PCDHA9: variants seen among roughly 807,000 people sequenced by gnomAD.
PCDHA9 encodes protocadherin alpha-9.
PCDHA9 carries 62 observed loss-of-function variants against 62.0 expected under a neutral mutation model. That is an observed-to-expected ratio of 1.00 (90% CI 0.81 to 1.23). The LOEUF (loss-of-function observed/expected upper bound fraction) is 1.23. Among genes scored for constraint, PCDHA9 ranks in the 50% most tolerant of loss-of-function variants. PCDHA9 has a pLI of 0.00. For missense variants in PCDHA9, 1,205 were observed against 1,249.8 expected, an observed-to-expected ratio of 0.96 and a Z score of 0.54; for synonymous variants, 557 against 567.6, an observed-to-expected ratio of 0.98 and a Z score of 0.27.
chr5:140,854,042 G>A lies in PCDHA9; in HGVS notation c.2394+3153G>A, dbSNP rs1005442587. 1.8e-5 allele frequency: 5 copies of A among 285,684 alleles called. 1 individual carries two copies. The highest frequency in any genetic ancestry group is 2.7e-5 in the Non-Finnish European group (5 of 185,908). The allele number at this position is 285,684 out of a possible 1,614,324, so 17.7% of individuals were successfully genotyped here. A position where few individuals can be genotyped will look rare whatever the true frequency, so the allele number is the denominator to read the frequency against. On this transcript the variant is annotated intron_variant, in intron 1 of 3. Coordinates refer to ENST00000532602, the MANE Select transcript of PCDHA9 (RefSeq NM_031857.2). ...CCGGGCATGGTGGCACACATCTCTA[G>A]TCCCAATTACTCAGGAGGCTGAGGC...
intron 1 of PCDHA9, among the ~76,000 whole-genome samples, chr5:140,918,041 C>T (rs1554198405): frequency 6.6e-6 from 1 of 152,058 alleles, no homozygotes; most frequent in Non-Finnish European, 1.5e-5. Flanking sequence ...AAGGTCTTTC[C>T]ATTTGTTTTA....
In PCDHA9 at chr5:140,938,408, G is replaced by A. The variant is rs115039361; in HGVS notation, c.2395-40541G>A. Among the ~76,000 whole-genome samples, 826 of 151,992 alleles carry A rather than the reference G, an allele frequency of 5.4e-3. 3 individuals are homozygous for A. The highest frequency in any genetic ancestry group is 0.019 in the African/African-American group (797 of 41,474). ...TAATATGAAATACATTGTTTGATTG[G>A]GTTTATTTGCAAAAATCCTTTATCA... On this transcript the variant is annotated intron_variant, in intron 1 of 3. Coordinates refer to ENST00000532602, the MANE Select transcript of PCDHA9 (RefSeq NM_031857.2).
chr5:140,981,699 T>A (rs1162840326), intron 2 of PCDHA9, among the ~76,000 whole-genome samples: 1 of 151,316 alleles, frequency 6.6e-6, no homozygotes, highest in Non-Finnish European at 1.5e-5. Context: ...CATTCATTCA[T>A]TCATTCATTC....
At chr5:140,970,121 G>C (rs1230320134) in intron 1 of PCDHA9, among the ~76,000 whole-genome samples, 1 of 152,184 alleles carries the variant, frequency 6.6e-6, no homozygotes, top group Non-Finnish European at 1.5e-5. Flanking sequence ...GCTGGGATTA[G>C]AAGGAAGAGA....
At chr5:140,941,553 G>T in intron 1 of PCDHA9, among the ~76,000 whole-genome samples, 1 of 151,656 alleles carries the variant, frequency 6.6e-6, no homozygotes, top group East Asian at 2.0e-4. Context: ...CTGACCTCGT[G>T]ATCCATTCGC....
chr5:140,884,233 T>A (rs782019323), intron 1 of PCDHA9: 1 of 1,613,364 alleles, frequency 6.2e-7, no homozygotes. Flanking sequence ...AGGACCACGG[T>A]GAGCCCGCGC....
At chr5:140,891,889 G>C (rs1319520907) in intron 1 of PCDHA9, among the ~76,000 whole-genome samples, 1 of 152,224 alleles carries the variant, frequency 6.6e-6, no homozygotes, top group Non-Finnish European at 1.5e-5. Context: ...ATGTGACGAT[G>C]CAGCAAGAAG....
chr5:140,999,032 C>T (rs2097843779), intron 3 of PCDHA9, among the ~76,000 whole-genome samples: 1 of 152,236 alleles, frequency 6.6e-6, no homozygotes, highest in South Asian at 2.1e-4. Flanking sequence ...TTTGATACTT[C>T]GTCCAGTGTG....
intron 1 of PCDHA9, among the ~76,000 whole-genome samples, chr5:140,972,578 C>A (rs1554234223): frequency 6.6e-6 from 1 of 151,798 alleles, no homozygotes; most frequent in Non-Finnish European, 1.5e-5. Flanking sequence ...GGCAATAGGG[C>A]AGAATTTCTC....
chr5:140,888,725 T>C (rs1254922405), intron 1 of PCDHA9, among the ~76,000 whole-genome samples: 2 of 152,156 alleles, frequency 1.3e-5, no homozygotes, highest in African/African-American at 4.8e-5. Flanking sequence ...TTTCCAGCCC[T>C]TTGTGAGCTC....
chr5:140,883,722 A>G (rs1249317360), intron 1 of PCDHA9: 1 of 1,613,546 alleles, frequency 6.2e-7, no homozygotes, highest in Non-Finnish European at 8.5e-7. Context: ...GCGGACGCAC[A>G]GGAGAACGCG....
In PCDHA9 at chr5:140,856,469, A is replaced by G. The variant is rs868928248; in HGVS notation, c.2394+5580A>G. 8.8e-6 allele frequency: 14 copies of G among 1,598,158 alleles called. 1 individual carries two copies. The highest frequency in any genetic ancestry group is 1.2e-5 in the Non-Finnish European group (14 of 1,167,896). ...CTCCGTAACAGAACAAAAGCTCTCA[A>G]TACCTGAATCCAGACTGCTTGACTC... is the stretch of plus-strand genomic sequence containing the variant. On this transcript the variant is annotated intron_variant, in intron 1 of 3. Transcript: ENST00000532602.
At chr5:140,966,741 G>T in intron 1 of PCDHA9, 1 of 1,421,322 alleles carries the variant, frequency 7.0e-7, no homozygotes, top group Non-Finnish European at 9.1e-7. Flanking sequence ...GGCCCTGCCC[G>T]GCTGCCTCCG....
intron 1 of PCDHA9, chr5:140,857,253 A>G (rs1554149722): frequency 1.3e-6 from 2 of 1,598,432 alleles, no homozygotes; most frequent in Admixed American, 3.4e-5. Context: ...ACCTACAAGA[A>G]TTACTACTCA....
At chr5:140,928,739 G>A in intron 1 of PCDHA9, 1 of 1,614,148 alleles carries the variant, frequency 6.2e-7, no homozygotes, top group African/African-American at 1.3e-5. Flanking sequence ...GCCAATATAG[G>A]TGAGCTCCGT....
intron 1 of PCDHA9, among the ~76,000 whole-genome samples, chr5:140,910,646 G>T (rs1490115049): frequency 6.6e-6 from 1 of 152,158 alleles, no homozygotes; most frequent in Non-Finnish European, 1.5e-5. Flanking sequence ...TAAACCTTTT[G>T]ATCCCTTCCT....
At position 141,010,264 on chromosome 5, in the gene PCDHA9, G is replaced by A. The variant is rs1265692233; in HGVS notation, c.*327G>A. On this transcript the variant is annotated 3_prime_UTR_variant, in exon 4 of 4. Transcript: ENST00000532602. ...GGTTGGACTCTCTGCCCTGTGCTCC[G>A]GGGATCCTGTCTTGATGACACTTGC... The A allele has an allele frequency of 1.4e-5, 22 of 1,551,586 alleles. No individual in the cohort carries two copies. The highest frequency in any genetic ancestry group is 1.1e-4 in the South Asian group (9 of 84,060).
intron 1 of PCDHA9, among the ~76,000 whole-genome samples, chr5:140,943,353 G>A (rs2093481887): frequency 6.6e-6 from 1 of 151,602 alleles, no homozygotes; most frequent in Non-Finnish European, 1.5e-5. Flanking sequence ...TGAGAGTAGA[G>A]GAAAGGAGAT....
intron 1 of PCDHA9, chr5:140,929,415 C>A: frequency 6.6e-7 from 1 of 1,504,268 alleles, no homozygotes; most frequent in Non-Finnish European, 8.9e-7. Context: ...CCTTTCACAA[C>A]ATTTCATCAA....
Sources: gnomAD v4.1 joint callset for allele counts (sites outside exome capture counted in the v4.1 genomes callset) on GRCh38, gnomAD v4.1.1 for gene constraint, MANE v1.5 for transcripts, NCBI Gene and HGNC (gene_info 2026-07-23, HGNC 2026-07-21) for gene names.